Variants in SRSF1 observed in about 807,000 individuals in gnomAD.
SRSF1 encodes serine and arginine rich splicing factor 1, also known as serine/arginine-rich splicing factor 1.
Under a neutral mutation model 25.9 loss-of-function variants are expected in SRSF1, and 1 was observed. That is an observed-to-expected ratio of 0.04 (90% CI 0.01 to 0.18). SRSF1 has a LOEUF of 0.18. Ranked by LOEUF, SRSF1 falls within the 10% of genes least tolerant of loss-of-function variation. The pLI, the probability that SRSF1 is intolerant of heterozygous loss-of-function variation, is 1.00. For missense variants in SRSF1, 65 were observed against 350.5 expected, an observed-to-expected ratio of 0.19 and a Z score of 6.50; for synonymous variants, 132 against 126.2, an observed-to-expected ratio of 1.05 and a Z score of -0.31.
downstream of SRSF1, among the ~76,000 whole-genome samples, chr17:57,999,891 A>T (rs189700361): frequency 6.6e-6 from 1 of 152,186 alleles, no homozygotes; most frequent in South Asian, 2.1e-4. Context: ...GTTGGCACTT[A>T]TAAGTTGTCT....
the SRSF1 span, chr17:57,991,429 A>G: frequency 2.6e-5 from 4 of 152,254 alleles, no homozygotes; most frequent in Admixed American, 2.6e-4. Context: ...AACTTTCAGT[A>G]GGGAATATCT....
rs1364693502 is a variant in SRSF1 at position 58,007,060 on chromosome 17, G to A, written c.78C>T (p.Asp26=). 1 of 1,614,094 alleles carries A rather than the reference G, an allele frequency of 6.2e-7. No individual in the cohort carries two copies. Among genetic ancestry groups the A allele is most frequent in the Non-Finnish European group, 8.5e-7 (1 of 1,180,056 alleles). Residue 26 remains aspartate, a synonymous_variant, in exon 1 of 4, where the codon GAC becomes GAT. Coordinates refer to ENST00000258962, the MANE Select transcript of SRSF1 (RefSeq NM_006924.5). ...CRIYVGNLPP[D]IRTKDIEDVF... ...CGTCCTCAATGTCCTTGGTTCGGATGTCTGGAGGTAAGTTACCCACGTAGA... is the reference window on the plus strand; with the variant it reads ...CGTCCTCAATGTCCTTGGTTCGGATATCTGGAGGTAAGTTACCCACGTAGA...
chr17:57,992,424 A>G, the SRSF1 span: 19 of 152,234 alleles, frequency 1.2e-4, no homozygotes, highest in Admixed American at 7.9e-4. Flanking sequence ...TCCTGCACCA[A>G]ACTACAAAGA....
chr17:58,006,285 G>A (rs2075426687), intron 2 of SRSF1, 58 bp downstream of exon 2: 4 of 1,533,078 alleles, frequency 2.6e-6, no homozygotes, highest in Non-Finnish European at 2.6e-6. Flanking sequence ...TCACGCAAGA[G>A]AAAAATTTTA....
chr17:58,006,647 A>T, intron 1 of SRSF1, 120 bp from the exon 2 acceptor site: 3 of 1,205,302 alleles, frequency 2.5e-6, no homozygotes, highest in East Asian at 2.6e-5. Flanking sequence ...CATGCGCCGC[A>T]TAATAGGAAT....
Position 58,001,955 on chromosome 17 carries a change from A to C in SRSF1, c.*3451T>G, listed in dbSNP as rs760251430. 2.6e-5 allele frequency among the ~76,000 whole-genome samples: 4 copies of C among 152,186 alleles called. No homozygotes were observed. The highest frequency in any genetic ancestry group is 5.9e-5 in the Non-Finnish European group (4 of 68,016). On this transcript the variant is annotated 3_prime_UTR_variant, in exon 4 of 4. Coordinates refer to ENST00000258962, the MANE Select transcript of SRSF1 (RefSeq NM_006924.5). ...TAGAGCACATCTTTCAACTTTAAACACTCAAACTTGAGTGAAGGCCATTTA... is the reference window on the plus strand; with the variant it reads ...TAGAGCACATCTTTCAACTTTAAACCCTCAAACTTGAGTGAAGGCCATTTA...
At chr17:57,993,788 T>A in the SRSF1 span, 1 of 152,250 alleles carries the variant, frequency 6.6e-6, no homozygotes, top group East Asian at 1.9e-4. Flanking sequence ...AGAAGTTAAT[T>A]AGCCCTCTAC....
rs920689535 is a variant in SRSF1, at chr17:58,002,785, G to C, written c.*2621C>G. 2.0e-5 allele frequency among the ~76,000 whole-genome samples: 3 copies of C among 152,206 alleles called. No individual in the cohort carries two copies. The highest frequency in any genetic ancestry group is 7.2e-5 in the African/African-American group (3 of 41,458). ...CTAACACTTTGGGAGGCCAAGGCAG[G>C]CAGATCACTTGAGGCCAGGAGTTTT... On this transcript the variant is annotated 3_prime_UTR_variant, in exon 4 of 4. Transcript: ENST00000258962.
chr17:57,990,549 C>G, the SRSF1 span: 2 of 152,202 alleles, frequency 1.3e-5, no homozygotes, highest in African/African-American at 2.4e-5. Context: ...AATGCTCCAT[C>G]CTTACCTAGA....
At chr17:57,994,232 T>G in the SRSF1 span, 1 of 152,224 alleles carries the variant, frequency 6.6e-6, no homozygotes, top group East Asian at 1.9e-4. Flanking sequence ...TTCCGTGGCC[T>G]CCTACATAGC....
At chr17:58,006,108 G>T in intron 2 of SRSF1, 135 bp from the exon 3 acceptor site, 2 of 999,690 alleles carry the variant, frequency 2.0e-6, no homozygotes, top group Non-Finnish European at 2.9e-6. Context: ...AAGAGAGCTG[G>T]TAAGATTCTG....
chr17:57,989,992 T>C, the SRSF1 span: 3 of 367,190 alleles, frequency 8.2e-6, no homozygotes, highest in Non-Finnish European at 1.5e-5. Flanking sequence ...GCAAATCTGC[T>C]TCTTCCCTGC....
the SRSF1 span, chr17:57,993,270 GT>G: frequency 1.3e-5 from 2 of 152,068 alleles, no homozygotes; most frequent in Non-Finnish European, 2.9e-5. Flanking sequence ...GGAGTCTGTA[GT>G]CCCAGCTACT....
At position 58,004,674 on chromosome 17, in the gene SRSF1, T is replaced by C. The variant is rs1291811489; in HGVS notation, c.*732A>G. The C allele has an allele frequency of 7.2e-6, 2 of 279,016 alleles. No individual in the cohort carries two copies. Among genetic ancestry groups the C allele is most frequent in the Non-Finnish European group, 1.3e-5 (2 of 150,618 alleles). 17.3% of individuals were successfully genotyped at this position (279,016 alleles called of 1,614,324 possible). ...AGCACTGTGACAAATTAGCCAGTTC[T>C]TCCCACATTAGTCCCTATTAAAACA... is the stretch of plus-strand genomic sequence containing the variant. On this transcript the variant is annotated 3_prime_UTR_variant, in exon 4 of 4. Coordinates refer to ENST00000258962, the MANE Select transcript of SRSF1 (RefSeq NM_006924.5).
chr17:57,989,601 T>A, the SRSF1 span: 1 of 398,418 alleles, frequency 2.5e-6, no homozygotes, highest in East Asian at 3.6e-5. Flanking sequence ...TTCCTTTCCA[T>A]CCACTAGACA....
downstream of SRSF1, among the ~76,000 whole-genome samples, chr17:57,998,309 C>T (rs1238817758): frequency 6.6e-6 from 1 of 151,994 alleles, no homozygotes. Context: ...CCCAGCACTT[C>T]CCAGTCCTAT....
At position 58,001,823 on chromosome 17, in the gene SRSF1, C is replaced by T. The variant is rs2075393151; in HGVS notation, c.*3583G>A. On this transcript the variant is annotated 3_prime_UTR_variant, in exon 4 of 4. Coordinates refer to ENST00000258962, the MANE Select transcript of SRSF1 (RefSeq NM_006924.5). The stretch of plus-strand genomic sequence containing the variant: ...TCATCTTAACTACAAAACCTATGCC[C>T]CTTTACCTAAGTAAACATTAGATCC... Among the ~76,000 whole-genome samples the T allele has an allele frequency of 6.6e-6, 1 of 152,170 alleles. No individual in the cohort carries two copies. Among genetic ancestry groups the T allele is most frequent in the Non-Finnish European group, 1.5e-5 (1 of 68,014 alleles).
At chr17:58,006,894 C>T (rs1191980693) in intron 1 of SRSF1, 50 bp downstream of exon 1, 1 of 1,600,202 alleles carries the variant, frequency 6.2e-7, no homozygotes, top group Non-Finnish European at 8.5e-7. Context: ...GAGCCTTCCC[C>T]AACTACTCGG....
rs1782227253 is a variant in SRSF1 at position 58,001,913 on chromosome 17, AT to A, written c.*3492del. 6.6e-6 allele frequency among the ~76,000 whole-genome samples: 1 copy of A among 152,214 alleles called. No individual in the cohort carries two copies. Among genetic ancestry groups the A allele is most frequent in the Admixed American group, 6.5e-5 (1 of 15,274 alleles). ...TGTCTCATTTCAATGTGAGGTTAGA[AT>A]TACTATAACTTTTAGTAGAGCACAT... On this transcript the variant is annotated 3_prime_UTR_variant, in exon 4 of 4. Transcript: ENST00000258962.
Sources: gnomAD v4.1 joint callset for allele counts (sites outside exome capture counted in the v4.1 genomes callset) on GRCh38, gnomAD v4.1.1 for gene constraint, MANE v1.5 for transcripts, NCBI Gene and HGNC (gene_info 2026-07-23, HGNC 2026-07-21) for gene names.